Variants in MORF4L1 observed in about 807,000 individuals in gnomAD.
MORF4L1 encodes mortality factor 4 like 1.
A neutral mutation model predicts 52.9 loss-of-function variants in MORF4L1; 4 were observed. The ratio of observed to expected loss-of-function variants is 0.08; its 90% CI spans 0.04 to 0.17. The LOEUF (loss-of-function observed/expected upper bound fraction) is 0.17, where lower values mean the gene tolerates loss of function less well. MORF4L1 is among the 10% of genes least tolerant of loss of function. The pLI is 1.00. For missense variants in MORF4L1, 214 were observed against 390.4 expected (o/e 0.55, Z 3.81); for synonymous variants, 123 against 134.8 (o/e 0.91, Z 0.61).
intron 7 of MORF4L1, 96 bp downstream of exon 7, chr15:78,891,668 T>C (rs1378766116): frequency 1.0e-6 from 1 of 985,230 alleles, no homozygotes; most frequent in African/African-American, 1.7e-5. Flanking sequence ...CAAGATTTGC[T>C]TACATGGTTA....
Position 78,897,892 on chromosome 15 carries a change from C to G in MORF4L1, c.*825C>G, listed in dbSNP as rs1343761878. ...TTTGGTACGTAGCGCTAATCCATAGCAGCTTTGGCAGTTTGCTGTCTTGAG... is the reference window on the plus strand; with the variant it reads ...TTTGGTACGTAGCGCTAATCCATAGGAGCTTTGGCAGTTTGCTGTCTTGAG... On this transcript the variant is annotated 3_prime_UTR_variant, in exon 12 of 12. Transcript: ENST00000426013. 1.3e-5 allele frequency: 2 copies of G among 152,358 alleles called. No homozygotes were observed. Among genetic ancestry groups the G allele is most frequent in the Non-Finnish European group, 2.9e-5 (2 of 68,040 alleles). 9.4% of individuals were successfully genotyped at this position (152,358 alleles called of 1,614,324 possible). A position where few individuals can be genotyped will look rare whatever the true frequency, so the allele number is the denominator to read the frequency against.
At chr15:78,884,285 A>C (rs1294765571) in intron 3 of MORF4L1, among the ~76,000 whole-genome samples, 1 of 151,542 alleles carries the variant, frequency 6.6e-6, no homozygotes, top group Non-Finnish European at 1.5e-5. Flanking sequence ...AGGCCTAGGC[A>C]GGTGGATCAC....
At chr15:78,891,280 T>C in intron 6 of MORF4L1, 1 of 649,430 alleles carries the variant, frequency 1.5e-6, no homozygotes, top group Non-Finnish European at 2.7e-6. Flanking sequence ...AAGATGGTGA[T>C]ACTAAATGTT....
At chr15:78,884,478 A>G (rs148906779) in intron 3 of MORF4L1, among the ~76,000 whole-genome samples, 1,665 of 151,960 alleles carry the variant, frequency 0.011, 12 homozygotes, top group Non-Finnish European at 0.014. Context: ...TGTCTGTACT[A>G]AAAATACAAA....
Position 78,876,272 on chromosome 15 carries a change from TA to T in MORF4L1, c.41-1931del, listed in dbSNP as rs113433414. Among the ~76,000 whole-genome samples the T allele has an allele frequency of 3.4e-4, 50 of 146,092 alleles. No individual in the cohort carries two copies. The South Asian group carries it at 4.3e-3, about 13-fold the overall frequency. On this transcript the variant is annotated intron_variant, in intron 1 of 11. Coordinates refer to ENST00000426013, the MANE Select transcript of MORF4L1 (RefSeq NM_006791.4). ...TTTTTAATGATTCTTGTAAACTTGT[TA>T]AAAAAAAAACAACTCGTAAACTTAT...
At chr15:78,890,888 C>T in intron 5 of MORF4L1, 101 bp from the exon 6 acceptor site, 1 of 1,129,108 alleles carries the variant, frequency 8.9e-7, no homozygotes, top group South Asian at 1.8e-5. Flanking sequence ...ATCCTTTATC[C>T]AAGTTAGTAT....
chr15:78,892,922 G>GT (rs1366722151), intron 8 of MORF4L1: 9 of 153,262 alleles, frequency 5.9e-5, no homozygotes, highest in Admixed American at 4.5e-4. Context: ...TGTGGATATA[G>GT]TTTGAATTCT....
In MORF4L1 at chr15:78,887,294, A is replaced by G; in HGVS notation, c.268A>G (p.Arg90Gly). 1 of 1,611,738 alleles carries G rather than the reference A, an allele frequency of 6.2e-7. No individual in the cohort carries two copies. Among genetic ancestry groups the G allele is most frequent in the Non-Finnish European group, 8.5e-7 (1 of 1,179,616 alleles). Reference sequence around the variant, plus strand: ...GGAGCAGTATGCAGAGGGGAAGATGAGAGGGGCTGCCCCAGGAAAGAAGAC... The same window carrying G: ...GGAGCAGTATGCAGAGGGGAAGATGGGAGGGGCTGCCCCAGGAAAGAAGAC... ...NQEQYAEGKM[R>G]GAAPGKKTSG... The change falls in exon 5 of 12, where the codon AGA becomes GGA. Residue 90 changes from arginine (R) to glycine (G), a missense_variant. Physicochemically the swap from Arg to Gly is moderately radical, Grantham distance 125. Around this residue, in one of 5 missense-constraint regions of MORF4L1, gnomAD observed 84 missense variants for 116.3 expected, o/e 0.72. Coordinates refer to ENST00000426013, the MANE Select transcript of MORF4L1 (RefSeq NM_006791.4).
chr15:78,894,472 G>A (rs894843834), intron 10 of MORF4L1: 2 of 374,170 alleles, frequency 5.3e-6, no homozygotes, highest in South Asian at 4.6e-5. Context: ...GCAGTGGTGC[G>A]ATCTTTGCTC....
At chr15:78,890,536 C>G (rs1049300720) in intron 5 of MORF4L1, 2 of 152,028 alleles carry the variant, frequency 1.3e-5, no homozygotes, top group Non-Finnish European at 2.9e-5. Flanking sequence ...GACTGGAGTG[C>G]AGTGGTGCAA....
At chr15:78,892,144 G>A (rs371186914) in intron 7 of MORF4L1, 68 bp from the exon 8 acceptor site, 2 of 1,078,244 alleles carry the variant, frequency 1.9e-6, no homozygotes, top group Non-Finnish European at 2.8e-6. Flanking sequence ...CTAAAAGTCA[G>A]CTCCCCTCCA....
At chr15:78,878,869 A>G (rs370566958) in intron 2 of MORF4L1, among the ~76,000 whole-genome samples, 1 of 152,136 alleles carries the variant, frequency 6.6e-6, no homozygotes, top group African/African-American at 2.4e-5. Flanking sequence ...ACTATACCTT[A>G]AACAGTCGTA....
intron 11 of MORF4L1, 68 bp downstream of exon 11, chr15:78,894,972 A>G: frequency 8.0e-7 from 1 of 1,251,962 alleles, no homozygotes; most frequent in Non-Finnish European, 1.2e-6. Context: ...GATTGGCAGT[A>G]TAGATGCTAA....
At chr15:78,873,122 A>AT in intron 1 of MORF4L1, 65 bp downstream of exon 1, 1 of 1,542,500 alleles carries the variant, frequency 6.5e-7, no homozygotes, top group Non-Finnish European at 8.7e-7. Flanking sequence ...GCTCGAGGTG[A>AT]TTGAGGCTTG....
chr15:78,876,615 T>G (rs1204590442), intron 1 of MORF4L1: 6 of 455,898 alleles, frequency 1.3e-5, no homozygotes, highest in Non-Finnish European at 2.6e-5. Context: ...GCCTTTAAAA[T>G]GTACCAGGAG....
rs973463121 is a variant in MORF4L1, at chr15:78,887,204, G to T, written c.243-65G>T. ...GAATGTAAATTCCTAATGGAATCAG[G>T]CTGACAATTTTTTTTTCACATAAAT... On this transcript the variant is annotated intron_variant, in intron 4 of 11. Coordinates refer to ENST00000426013, the MANE Select transcript of MORF4L1 (RefSeq NM_006791.4). 7.3e-6 allele frequency: 10 copies of T among 1,377,108 alleles called. No homozygotes were observed. The East Asian group carries it at 1.9e-4, about 26-fold the overall frequency. 85.3% of individuals were successfully genotyped at this position (1,377,108 alleles called of 1,614,324 possible). A position where few individuals can be genotyped will look rare whatever the true frequency, so the allele number is the denominator to read the frequency against.
rs1235085522 is a variant in MORF4L1 at position 78,873,131 on chromosome 15, T to C, written c.40+74T>C. 12 of 1,537,150 alleles carry C rather than the reference T, an allele frequency of 7.8e-6. No individual in the cohort carries two copies. In the Admixed American group the frequency reaches 2.5e-4, roughly 31 times the overall value. On this transcript the variant is annotated intron_variant, in intron 1 of 11. Coordinates refer to ENST00000426013, the MANE Select transcript of MORF4L1 (RefSeq NM_006791.4). The stretch of plus-strand genomic sequence containing the variant: ...AGGCGGGCTCGAGGTGATTGAGGCT[T>C]GAGGGCCGGGGGCGGCGCGGGCTGC...
At chr15:78,890,866 A>G in intron 5 of MORF4L1, 123 bp from the exon 6 acceptor site, 1 of 956,982 alleles carries the variant, frequency 1.0e-6, no homozygotes, top group Non-Finnish European at 1.4e-6. Flanking sequence ...TAGGACACAT[A>G]TTTACCACCT....
intron 1 of MORF4L1, chr15:78,873,315 G>T: frequency 8.5e-7 from 1 of 1,174,558 alleles, no homozygotes; most frequent in Non-Finnish European, 1.1e-6. Flanking sequence ...CCCTCGTCAA[G>T]TGTTTGTTAT....
Sources: gnomAD v4.1 joint callset for allele counts (sites outside exome capture counted in the v4.1 genomes callset) on GRCh38, gnomAD v4.1.1 for gene constraint, gnomAD v4.1.1 regional missense constraint, MANE v1.5 for transcripts, NCBI Gene and HGNC (gene_info 2026-07-23, HGNC 2026-07-21) for gene names.